The following PODN variants were observed in gnomAD, a reference collection of about 807,000 sequenced individuals.
The protein encoded by PODN is podocan, also known as podocan proteoglycan.
A neutral mutation model predicts 52.7 loss-of-function variants in PODN; 40 were observed. That is an observed-to-expected ratio of 0.76 (90% confidence interval 0.59 to 0.99). The LOEUF is 0.99. Ranked by LOEUF, PODN falls within the 50% of genes least tolerant of loss-of-function variation. The pLI is 0.00. For missense variants in PODN, 720 were observed against 815.1 expected, an observed-to-expected ratio of 0.88 and a Z score of 1.42; for synonymous variants, 396 against 377.9, an observed-to-expected ratio of 1.05 and a Z score of -0.56.
chr1:53,074,212 C>G (rs569610045), intron 3 of PODN, among the ~76,000 whole-genome samples: 25 of 152,340 alleles, frequency 1.6e-4, no homozygotes, highest in African/African-American at 6.0e-4. Flanking sequence ...GCCGCAGCCC[C>G]ACCCTGTGTG....
intron 8 of PODN, among the ~76,000 whole-genome samples, chr1:53,079,685 A>C (rs1023828803): frequency 2.6e-5 from 4 of 152,024 alleles, no homozygotes; most frequent in Non-Finnish European, 4.4e-5. Flanking sequence ...AAAACCCCCA[A>C]CTCAACCAGT....
At chr1:53,072,434 T>C (rs1177748825) in intron 3 of PODN, among the ~76,000 whole-genome samples, 1 of 152,236 alleles carries the variant, frequency 6.6e-6, no homozygotes, top group East Asian at 1.9e-4. Flanking sequence ...TTCCATGCAC[T>C]TTTGGACAGA....
intron 10 of PODN, 22 bp downstream of exon 10, chr1:53,082,210 G>A: frequency 6.6e-7 from 1 of 1,511,622 alleles, no homozygotes; most frequent in Non-Finnish European, 8.9e-7. Flanking sequence ...GTATGGGGCA[G>A]CACTCACTTC....
At chr1:53,065,040 G>A (rs879786936) in intron 1 of PODN, among the ~76,000 whole-genome samples, 2 of 152,212 alleles carry the variant, frequency 1.3e-5, no homozygotes, top group Non-Finnish European at 2.9e-5. Flanking sequence ...TACACAGAAG[G>A]GGCCTTGGGG....
intron 3 of PODN, among the ~76,000 whole-genome samples, chr1:53,072,291 T>C (rs549857907): frequency 1.2e-4 from 18 of 152,308 alleles, no homozygotes; most frequent in Admixed American, 3.3e-4. Flanking sequence ...CTAGAATCCA[T>C]AAGTTATTTT....
At chr1:53,072,782 C>T (rs941832217) in intron 3 of PODN, among the ~76,000 whole-genome samples, 3 of 152,192 alleles carry the variant, frequency 2.0e-5, no homozygotes, top group African/African-American at 4.8e-5. Flanking sequence ...CTAACTAGGC[C>T]GGGCGCGGTG....
chr1:53,078,890 C>T lies in PODN; in HGVS notation c.1380C>T (p.Arg460=). 1 of 1,611,104 alleles carries T rather than the reference C, an allele frequency of 6.2e-7. No homozygotes were observed. Among genetic ancestry groups the T allele is most frequent in the Non-Finnish European group, 8.5e-7 (1 of 1,178,964 alleles). The part of the protein sequence containing the change: ...PRNVHVLKVK[R]NELAALARGA... ...ATGTCCATGTGCTGAAGGTCAAGCG[C>T]AATGAGCTGGCTGCCTTGGCACGAG... is the stretch of plus-strand genomic sequence containing the variant. The change falls in exon 8 of 11, where the codon CGC becomes CGT. Residue 460 remains arginine, a synonymous_variant. Coordinates refer to ENST00000312553, the MANE Select transcript of PODN (RefSeq NM_153703.5).
intron 1 of PODN, among the ~76,000 whole-genome samples, chr1:53,065,620 C>A (rs1644020872): frequency 6.6e-6 from 1 of 152,230 alleles, no homozygotes; most frequent in African/African-American, 2.4e-5. Context: ...CGTGTCCACC[C>A]ACAAACCTGC....
rs749587544 is a variant in PODN, at chr1:53,069,984, C to T, written c.129C>T (p.Asn43=). The part of the protein sequence containing the change: ...SGGHSLSPEE[N]EFAEEEPVLV... ...GCCACAGCCTGAGCCCCGAAGAGAACGAATTTGCGGAGGAGGAGCCGGTGC... is the reference window on the plus strand; with the variant it reads ...GCCACAGCCTGAGCCCCGAAGAGAATGAATTTGCGGAGGAGGAGCCGGTGC... The change falls in exon 2 of 11, where the codon AAC becomes AAT. Residue 43 remains asparagine, a synonymous_variant. Transcript: ENST00000312553. 36 of 1,611,202 alleles carry T rather than the reference C, an allele frequency of 2.2e-5. No homozygotes were observed. The highest frequency in any genetic ancestry group is 1.3e-4 in the South Asian group (12 of 90,854).
At chr1:53,083,429 G>C (rs182451032) in intron 10 of PODN, among the ~76,000 whole-genome samples, 3 of 152,324 alleles carry the variant, frequency 2.0e-5, no homozygotes, top group East Asian at 3.9e-4. Flanking sequence ...ATGTAGGAAA[G>C]AGCTGGCTTT....
chr1:53,077,145 G>A (rs1644205466), intron 5 of PODN, 45 bp from the exon 6 acceptor site: 4 of 1,601,054 alleles, frequency 2.5e-6, no homozygotes, highest in African/African-American at 1.3e-5. Context: ...CTGGCGCAGG[G>A]CCTGGGGAGC....
At chr1:53,063,972 A>C (rs1643997769) in intron 1 of PODN, among the ~76,000 whole-genome samples, 1 of 151,110 alleles carries the variant, frequency 6.6e-6, no homozygotes, top group Non-Finnish European at 1.5e-5. Context: ...TTTTGATCAC[A>C]CTCTACCTCT....
In PODN at chr1:53,066,930, G is replaced by T. The variant is rs1033445331; in HGVS notation, c.-55-2871G>T. On this transcript the variant is annotated intron_variant, in intron 1 of 10. Transcript: ENST00000312553. The stretch of plus-strand genomic sequence containing the variant: ...CCTGGATTCTTCTCCTTGGCCTTCT[G>T]CCCTGATTGAATTTGGGACCTGGGC... 2.7e-6 allele frequency: 4 copies of T among 1,484,394 alleles called. No homozygotes were observed. The East Asian group carries it at 7.4e-5, about 28-fold the overall frequency. The allele number at this position is 1,484,394 out of a possible 1,614,324, so 92.0% of individuals were successfully genotyped here. A position where few individuals can be genotyped will look rare whatever the true frequency, so the allele number is the denominator to read the frequency against.
At chr1:53,083,764 G>A (rs746801293) in intron 10 of PODN, among the ~76,000 whole-genome samples, 13 of 152,162 alleles carry the variant, frequency 8.5e-5, no homozygotes, top group Non-Finnish European at 1.2e-4. Context: ...GGAAGGAGGT[G>A]CAGATAGGAG....
At chr1:53,072,743 G>C (rs1215777165) in intron 3 of PODN, among the ~76,000 whole-genome samples, 1 of 152,182 alleles carries the variant, frequency 6.6e-6, no homozygotes, top group Non-Finnish European at 1.5e-5. Context: ...ACACCATCAA[G>C]CGCATTCAGG....
intron 5 of PODN, among the ~76,000 whole-genome samples, chr1:53,076,537 C>T (rs1291568040): frequency 6.6e-6 from 1 of 152,192 alleles, no homozygotes; most frequent in Non-Finnish European, 1.5e-5. Flanking sequence ...TGTTCCTTGT[C>T]TTCCCTCCTT....
chr1:53,077,234 C>G lies in PODN; in HGVS notation c.626C>G (p.Pro209Arg). The G allele has an allele frequency of 6.2e-7, 1 of 1,613,480 alleles. No homozygotes were observed. Among genetic ancestry groups the G allele is most frequent in the Non-Finnish European group, 8.5e-7 (1 of 1,180,022 alleles). ...AACAAGCTGGCAGACGCCGGGCTGCCGGACAACATGTTCAACGGCTCCAGC... is the reference window on the plus strand; with the variant it reads ...AACAAGCTGGCAGACGCCGGGCTGCGGGACAACATGTTCAACGGCTCCAGC... ...HNNKLADAGL[P>R]DNMFNGSSNV... The change falls in exon 6 of 11, where the codon CCG becomes CGG. Residue 209 changes from proline to arginine, a missense_variant. Physicochemically the swap from Pro to Arg is moderately radical, Grantham distance 103. Transcript: ENST00000312553.
In PODN at chr1:53,071,541, C is replaced by G. The variant is rs1166310021; in HGVS notation, c.319C>G (p.Gln107Glu). 6.2e-7 allele frequency: 1 copy of G among 1,613,572 alleles called. No homozygotes were observed. Among genetic ancestry groups the G allele is most frequent in the South Asian group, 1.1e-5 (1 of 91,030 alleles). Reference sequence around the variant, plus strand: ...CGGCCCCCTACCCCCCTAGAACAACCAGCTGGAAAAGATCTACCCTGAGGA... The same window carrying G: ...CGGCCCCCTACCCCCCTAGAACAACGAGCTGGAAAAGATCTACCCTGAGGA... ...HTNHLSLQNNQLEKIYPEELS... is the reference protein window; with the variant it reads ...HTNHLSLQNNELEKIYPEELS... The change falls in exon 3 of 11, where the codon CAG (glutamine) becomes GAG (glutamate). Residue 107 changes from glutamine to glutamate, a missense_variant. Physicochemically the swap from Gln to Glu is conservative, Grantham distance 29. Coordinates refer to ENST00000312553, the MANE Select transcript of PODN (RefSeq NM_153703.5).
At chr1:53,066,667 G>A (rs761484634) in intron 1 of PODN, 2 of 632,068 alleles carry the variant, frequency 3.2e-6, no homozygotes, top group South Asian at 3.8e-5. Flanking sequence ...GATATGACGT[G>A]GGCTGGGAGC....
Sources: allele counts gnomAD v4.1 joint callset (sites outside exome capture counted in the v4.1 genomes callset), GRCh38; gene constraint gnomAD v4.1.1; transcripts MANE v1.5; gene names NCBI Gene and HGNC (gene_info 2026-07-23, HGNC 2026-07-21).